ARHGAP26: variants seen among roughly 807,000 people sequenced by gnomAD.
ARHGAP26 encodes the protein Rho GTPase activating protein 26, also known as rho GTPase-activating protein 26.
A neutral mutation model predicts 104.8 loss-of-function variants in ARHGAP26; 38 were observed. The ratio of observed to expected loss-of-function variants is 0.36; its 90% CI spans 0.28 to 0.48. The LOEUF (loss-of-function observed/expected upper bound fraction) is 0.48, where lower values mean the gene tolerates loss of function less well. Among genes scored for constraint, ARHGAP26 ranks in the 20% least tolerant of loss-of-function variants. The pLI, the probability that ARHGAP26 is intolerant of heterozygous loss-of-function variation, is 0.99. For synonymous variants in ARHGAP26, 341 were observed against 340.0 expected, an observed-to-expected ratio of 1.00 and a Z score of -0.03; for missense variants, 704 against 947.9, an observed-to-expected ratio of 0.74 and a Z score of 3.38.
chr5:143,023,829 G>A (rs1290001610), intron 12 of ARHGAP26, among the ~76,000 whole-genome samples: 5 of 152,210 alleles, frequency 3.3e-5, no homozygotes, highest in African/African-American at 1.2e-4. Context: ...GCTGATAGAG[G>A]ACAGACACTC....
chr5:142,832,311 G>A (rs1433380564), intron 1 of ARHGAP26, among the ~76,000 whole-genome samples: 1 of 152,192 alleles, frequency 6.6e-6, no homozygotes, highest in African/African-American at 2.4e-5. Context: ...GTTAAATGGG[G>A]TTATATGGGT....
In ARHGAP26 at chr5:142,853,324, G is replaced by A. The variant is rs1751851885; in HGVS notation, c.155-20076G>A. Among the ~76,000 whole-genome samples, 3 of 152,048 alleles carry A rather than the reference G, an allele frequency of 2.0e-5. No homozygotes were observed. The South Asian group carries it at 6.2e-4, about 32-fold the overall frequency. On this transcript the variant is annotated intron_variant, in intron 1 of 22. Coordinates refer to ENST00000645722, the MANE Select transcript of ARHGAP26 (RefSeq NM_001135608.3). ...CCCTACCTCTGCCTCCCAAGTAGCGGGGACTGCAGGCATGTGTCACCACAT... is the reference window on the plus strand; with the variant it reads ...CCCTACCTCTGCCTCCCAAGTAGCGAGGACTGCAGGCATGTGTCACCACAT...
chr5:143,062,229 T>C (rs3776331), intron 17 of ARHGAP26, among the ~76,000 whole-genome samples: 110,862 of 152,094 alleles, frequency 0.73, 40,797 homozygotes, highest in African/African-American at 0.79. Context: ...CACTAAATTA[T>C]AAGATTTTAG....
chr5:142,902,479 T>C (rs1760502552), intron 7 of ARHGAP26, among the ~76,000 whole-genome samples: 1 of 152,192 alleles, frequency 6.6e-6, no homozygotes, highest in African/African-American at 2.4e-5. Flanking sequence ...GTCCAACTCT[T>C]AGGAAGGCTG....
intron 5 of ARHGAP26, among the ~76,000 whole-genome samples, chr5:142,890,543 A>G (rs1758513421): frequency 6.6e-6 from 1 of 151,826 alleles, no homozygotes; most frequent in Non-Finnish European, 1.5e-5. Context: ...AGACCATCTG[A>G]TTTAGATTTT....
At chr5:143,211,794 C>G (rs1809508514) in intron 21 of ARHGAP26, among the ~76,000 whole-genome samples, 1 of 152,092 alleles carries the variant, frequency 6.6e-6, no homozygotes, top group South Asian at 2.1e-4. Flanking sequence ...TTCCTGGGCT[C>G]AAGCAATCCT....
rs75267578 is a variant in ARHGAP26, at chr5:142,854,516, T to A, written c.155-18884T>A. ...GAAATAGGAGGTGCTCAATGAAGAG[T>A]TAAAGGATGAATGGGTGAGCCTATT... On this transcript the variant is annotated intron_variant, in intron 1 of 22. Coordinates refer to ENST00000645722, the MANE Select transcript of ARHGAP26 (RefSeq NM_001135608.3). Among the ~76,000 whole-genome samples the A allele has an allele frequency of 9.2e-5, 14 of 152,208 alleles. No individual in the cohort carries two copies. The East Asian group carries it at 1.9e-3, about 21-fold the overall frequency.
At chr5:142,906,896 C>G (rs1226271437) in intron 8 of ARHGAP26, among the ~76,000 whole-genome samples, 1 of 151,518 alleles carries the variant, frequency 6.6e-6, no homozygotes, top group Non-Finnish European at 1.5e-5. Context: ...TTAACAATTT[C>G]TGCTGTGTGA....
chr5:143,163,940 C>T (rs770013216), intron 20 of ARHGAP26, among the ~76,000 whole-genome samples: 36 of 151,960 alleles, frequency 2.4e-4, no homozygotes, highest in Non-Finnish European at 4.7e-4. Flanking sequence ...GAAAAAATAT[C>T]ACAAAGAATG....
intron 1 of ARHGAP26, among the ~76,000 whole-genome samples, chr5:142,840,225 C>T (rs573125377): frequency 5.7e-4 from 87 of 152,168 alleles, no homozygotes; most frequent in African/African-American, 1.6e-3. Context: ...ATGGATTTGC[C>T]GTTGTTAAAA....
chr5:143,227,303 G>A lies in ARHGAP26; in HGVS notation c.*4857G>A, dbSNP rs1355732136. The stretch of plus-strand genomic sequence containing the variant: ...CCTGACTTTAAAAGGAATGACCTAG[G>A]TGTTCTGCCAAAGGAGTTATCTATC... On this transcript the variant is annotated 3_prime_UTR_variant, in exon 23 of 23. Transcript: ENST00000645722. The A allele has an allele frequency of 4.3e-6, 1 of 230,570 alleles. No homozygotes were observed. Among genetic ancestry groups the A allele is most frequent in the Non-Finnish European group, 8.6e-6 (1 of 116,408 alleles). 14.3% of individuals were successfully genotyped at this position (230,570 alleles called of 1,614,324 possible).
chr5:143,083,769 G>A (rs1424001639), intron 17 of ARHGAP26, among the ~76,000 whole-genome samples: 1 of 152,156 alleles, frequency 6.6e-6, no homozygotes, highest in African/African-American at 2.4e-5. Flanking sequence ...AAAATGCTGG[G>A]ATTATAGGCA....
intron 17 of ARHGAP26, among the ~76,000 whole-genome samples, chr5:143,112,791 C>A (rs915945608): frequency 7.2e-5 from 11 of 152,192 alleles, no homozygotes; most frequent in Non-Finnish European, 1.3e-4. Context: ...GCTAGAATTC[C>A]CTTCCTGTTT....
intron 20 of ARHGAP26, among the ~76,000 whole-genome samples, chr5:143,148,183 C>T (rs2150986104): frequency 1.3e-5 from 2 of 152,296 alleles, no homozygotes; most frequent in African/African-American, 4.8e-5. Context: ...AGATGATTTT[C>T]CCATTCTCTA....
At chr5:142,963,581 C>A (rs1770775194) in intron 11 of ARHGAP26, among the ~76,000 whole-genome samples, 1 of 152,148 alleles carries the variant, frequency 6.6e-6, no homozygotes, top group African/African-American at 2.4e-5. Flanking sequence ...ACTTACAAAA[C>A]AAATTAGGAT....
intron 1 of ARHGAP26, among the ~76,000 whole-genome samples, chr5:142,842,368 T>C (rs1770986652): frequency 6.6e-6 from 1 of 152,212 alleles, no homozygotes; most frequent in African/African-American, 2.4e-5. Context: ...AGAAGGTTTG[T>C]GGCCGCTTCT....
Position 143,213,990 on chromosome 5 carries a change from C to T in ARHGAP26, c.2100-7C>T. The T allele has an allele frequency of 6.4e-7, 1 of 1,570,054 alleles. No homozygotes were observed. Among genetic ancestry groups the T allele is most frequent in the African/African-American group, 1.3e-5 (1 of 74,406 alleles). ...AAAATGTTAAATAAACTCCTGTTTT[C>T]ACACAGCACACCGTTCCGGAAGGCA... On this transcript the variant is annotated splice_region_variant and splice_polypyrimidine_tract_variant and intron_variant, in intron 21 of 22. Coordinates refer to ENST00000645722, the MANE Select transcript of ARHGAP26 (RefSeq NM_001135608.3).
intron 1 of ARHGAP26, among the ~76,000 whole-genome samples, chr5:142,820,682 A>G (rs1319402107): frequency 6.6e-6 from 1 of 152,210 alleles, no homozygotes; most frequent in Non-Finnish European, 1.5e-5. Flanking sequence ...ACACTCTTCC[A>G]TTTAGAAAAC....
At chr5:142,890,526 G>T (rs149435298) in intron 5 of ARHGAP26, among the ~76,000 whole-genome samples, 1 of 151,788 alleles carries the variant, frequency 6.6e-6, no homozygotes, top group South Asian at 2.1e-4. Flanking sequence ...CCTTGAAGGG[G>T]ACCATGAGAC....
Sources: allele counts gnomAD v4.1 joint callset (sites outside exome capture counted in the v4.1 genomes callset), GRCh38; gene constraint gnomAD v4.1.1; transcripts MANE v1.5; gene names NCBI Gene and HGNC (gene_info 2026-07-23, HGNC 2026-07-21).